CNTRL: variants seen among roughly 807,000 people sequenced by gnomAD.
CNTRL encodes centriolin.
CNTRL carries 233 observed loss-of-function variants against 303.7 expected under a neutral mutation model. The ratio of observed to expected loss-of-function variants is 0.77; its 90% CI spans 0.69 to 0.86. The LOEUF is 0.86. Among genes scored for constraint, CNTRL ranks in the 40% least tolerant of loss-of-function variants. CNTRL has a pLI of 0.00. For missense variants in CNTRL, 2,524 were observed against 2,650.6 expected (o/e 0.95, Z 1.05); for synonymous variants, 900 against 922.2 (o/e 0.98, Z 0.44).
In CNTRL at chr9:121,094,647, T is replaced by G. The variant is rs12685539; in HGVS notation, c.349-241T>G. The stretch of plus-strand genomic sequence containing the variant: ...TGAGGGAAATCTTGTTGGATAGTCT[T>G]GAGCTTCTTAGTATATAGACAATGT... On this transcript the variant is annotated intron_variant, in intron 4 of 43. Coordinates refer to ENST00000373855, the MANE Select transcript of CNTRL (RefSeq NM_007018.6). Among the ~76,000 whole-genome samples, 1,242 of 152,270 alleles carry G rather than the reference T, an allele frequency of 8.2e-3. 9 individuals carry two copies. The highest frequency in any genetic ancestry group is 0.031 in the East Asian group (160 of 5,180).
At chr9:121,171,118 G>A (rs1588339199) in intron 39 of CNTRL, among the ~76,000 whole-genome samples, 1 of 152,288 alleles carries the variant, frequency 6.6e-6, no homozygotes, top group East Asian at 1.9e-4. Flanking sequence ...AATCCTACCA[G>A]TAACCCTGTG....
intron 7 of CNTRL, among the ~76,000 whole-genome samples, chr9:121,107,063 T>C (rs2049510325): frequency 6.6e-6 from 1 of 152,082 alleles, no homozygotes; most frequent in Non-Finnish European, 1.5e-5. Flanking sequence ...CTACTCCCTG[T>C]GTGACAAGGG....
At chr9:121,093,417 AT>A (rs2048751888) in intron 4 of CNTRL, among the ~76,000 whole-genome samples, 1 of 152,126 alleles carries the variant, frequency 6.6e-6, no homozygotes, top group African/African-American at 2.4e-5. Context: ...TGGGTTTTGG[AT>A]TTTTTGATTT....
At chr9:121,162,642 T>G (rs1176409828) in intron 34 of CNTRL, among the ~76,000 whole-genome samples, 1 of 152,188 alleles carries the variant, frequency 6.6e-6, no homozygotes, top group African/African-American at 2.4e-5. Flanking sequence ...TTGTGGAAAT[T>G]GACAAGCTGG....
intron 8 of CNTRL, among the ~76,000 whole-genome samples, chr9:121,108,634 C>T (rs896621366): frequency 1.3e-5 from 2 of 151,794 alleles, no homozygotes; most frequent in African/African-American, 4.8e-5. Flanking sequence ...TATCATTAAC[C>T]ATTTAAAAAC....
intron 35 of CNTRL, among the ~76,000 whole-genome samples, chr9:121,165,784 A>G (rs568306887): frequency 1.3e-5 from 2 of 152,282 alleles, no homozygotes; most frequent in Admixed American, 6.5e-5. Context: ...TTTATTCCCA[A>G]ATTGCCTTCC....
At chr9:121,160,519 A>T (rs923781443) in intron 32 of CNTRL, among the ~76,000 whole-genome samples, 1 of 152,230 alleles carries the variant, frequency 6.6e-6, no homozygotes, top group Non-Finnish European at 1.5e-5. Context: ...TGCTGATCAG[A>T]GTGTGCTGAA....
At chr9:121,177,119 C>T in intron 43 of CNTRL, 44 bp from the exon 44 acceptor site, 4 of 1,556,788 alleles carry the variant, frequency 2.6e-6, no homozygotes, top group South Asian at 1.1e-5. Context: ...ACTGTTTTTA[C>T]TGTTTCAAGA....
At chr9:121,164,153 C>T (rs537241109) in intron 34 of CNTRL, among the ~76,000 whole-genome samples, 4 of 152,198 alleles carry the variant, frequency 2.6e-5, no homozygotes, top group African/African-American at 7.2e-5. Flanking sequence ...CATGAGCCAC[C>T]GCATCTGGCC....
chr9:121,112,602 A>T, intron 9 of CNTRL, 24 bp downstream of exon 9: 1 of 1,609,588 alleles, frequency 6.2e-7, no homozygotes, highest in Non-Finnish European at 8.5e-7. Context: ...ATTTTTTAGT[A>T]ATCCAAAGTT....
intron 7 of CNTRL, among the ~76,000 whole-genome samples, chr9:121,098,835 A>AAC (rs989036891): frequency 5.3e-5 from 8 of 151,798 alleles, no homozygotes; most frequent in African/African-American, 7.2e-5. Context: ...CAGACAAAAA[A>AAC]AAAAACAAAA....
chr9:121,132,433 A>T (rs1588200808), intron 14 of CNTRL, among the ~76,000 whole-genome samples: 1 of 152,094 alleles, frequency 6.6e-6, no homozygotes, highest in East Asian at 1.9e-4. Flanking sequence ...TGGCTACTGA[A>T]GCTTGTGCAT....
chr9:121,154,181 T>C (rs985257082), intron 26 of CNTRL, among the ~76,000 whole-genome samples: 2 of 152,232 alleles, frequency 1.3e-5, no homozygotes. Context: ...CATGCAGTCA[T>C]ACATAGCTAA....
chr9:121,078,873 T>C (rs2048032022), intron 1 of CNTRL, among the ~76,000 whole-genome samples: 8 of 152,236 alleles, frequency 5.3e-5, no homozygotes, highest in Admixed American at 3.9e-4. Context: ...TTCCACACCC[T>C]CTCTGGGTGG....
intron 2 of CNTRL, among the ~76,000 whole-genome samples, chr9:121,081,346 C>T (rs1351926369): frequency 1.3e-5 from 2 of 152,228 alleles, no homozygotes; most frequent in African/African-American, 4.8e-5. Flanking sequence ...GTTGTTGCCC[C>T]ATACACCAGA....
intron 12 of CNTRL, chr9:121,122,509 G>C: frequency 4.1e-6 from 2 of 482,134 alleles, no homozygotes; most frequent in Non-Finnish European, 5.4e-6. Flanking sequence ...TCATTTTTCT[G>C]ACTGATACAG....
Position 121,148,668 on chromosome 9 carries a change from T to G in CNTRL, c.3460-4T>G. On this transcript the variant is annotated splice_polypyrimidine_tract_variant and splice_region_variant and intron_variant, in intron 23 of 43. Coordinates refer to ENST00000373855, the MANE Select transcript of CNTRL (RefSeq NM_007018.6). ...ATAGTGTGCTCTGCTGTCATTTGTT[T>G]TAGGTTTCCAGCCATAGTTCCCAGG... 1 of 1,610,830 alleles carries G rather than the reference T, an allele frequency of 6.2e-7. No individual in the cohort carries two copies. Among genetic ancestry groups the G allele is most frequent in the South Asian group, 1.1e-5 (1 of 90,882 alleles).
rs116954351 is a variant in CNTRL, at chr9:121,151,022, T to C, written c.3963+539T>C. Among the ~76,000 whole-genome samples the C allele has an allele frequency of 2.6e-3, 397 of 152,360 alleles. 15 individuals carry two copies. In the East Asian group the frequency reaches 0.061, roughly 23 times the overall value. ...TGTATGCACACAGGTATGGACAGCATACAGTAAGGTTTTGGTGGGGATTAT... is the reference window on the plus strand; with the variant it reads ...TGTATGCACACAGGTATGGACAGCACACAGTAAGGTTTTGGTGGGGATTAT... On this transcript the variant is annotated intron_variant, in intron 25 of 43. Transcript: ENST00000373855.
chr9:121,096,209 A>C (rs917124283), intron 5 of CNTRL, among the ~76,000 whole-genome samples: 2 of 152,212 alleles, frequency 1.3e-5, no homozygotes, highest in Non-Finnish European at 2.9e-5. Flanking sequence ...GATTGATAGG[A>C]TTCCTGGGCA....
Sources: allele counts gnomAD v4.1 joint callset (sites outside exome capture counted in the v4.1 genomes callset), GRCh38; gene constraint gnomAD v4.1.1; transcripts MANE v1.5; gene names NCBI Gene and HGNC (gene_info 2026-07-23, HGNC 2026-07-21).